Variants in ELMOD3 observed in about 807,000 individuals in gnomAD.
The protein encoded by ELMOD3 is ELMO domain-containing protein 3.
A neutral mutation model predicts 47.4 loss-of-function variants in ELMOD3; 36 were observed. That is an observed-to-expected ratio of 0.76 (90% confidence interval 0.58 to 1.00). The LOEUF (loss-of-function observed/expected upper bound fraction) is 1.00. Ranked by LOEUF, ELMOD3 falls within the 50% of genes least tolerant of loss-of-function variation. The pLI is 0.00. For missense variants in ELMOD3, 404 were observed against 463.8 expected (o/e 0.87, Z 1.18); for synonymous variants, 149 against 183.5 (o/e 0.81, Z 1.52).
At chr2:85,365,218 A>G (rs72840078) in intron 6 of ELMOD3, among the ~76,000 whole-genome samples, 12,465 of 151,402 alleles carry the variant, frequency 0.082, 625 homozygotes, top group South Asian at 0.2. Flanking sequence ...GCGGATCACA[A>G]GGTCAGGAGT....
rs768595869 is a variant in ELMOD3 at position 85,369,796 on chromosome 2, A to G, written c.326A>G (p.Gln109Arg). 6.2e-7 allele frequency: 1 copy of G among 1,614,158 alleles called. No homozygotes were observed. Among genetic ancestry groups the G allele is most frequent in the South Asian group, 1.1e-5 (1 of 91,088 alleles). The change falls in exon 8 of 14, where the codon CAG (glutamine) becomes CGG (arginine). Residue 109 changes from glutamine (Q) to arginine (R), a missense_variant. By Grantham distance (43) the Gln-to-Arg change is conservative. Transcript: ENST00000409013. ...GQLISFSEAL[Q>R]HFQTVDLSPF... Reference sequence around the variant, plus strand: ...CTAATCTCCTTCAGTGAGGCCCTGCAGCACTTCCAGACTGTGGACCTTTCC... The same window carrying G: ...CTAATCTCCTTCAGTGAGGCCCTGCGGCACTTCCAGACTGTGGACCTTTCC...
chr2:85,390,552 G>A, intron 13 of ELMOD3: 1 of 1,567,870 alleles, frequency 6.4e-7, no homozygotes, highest in Non-Finnish European at 8.6e-7. Context: ...TTGCAATTGT[G>A]CAGACAAGGT....
chr2:85,366,424 G>A (rs1684391780), intron 6 of ELMOD3, among the ~76,000 whole-genome samples: 1 of 152,174 alleles, frequency 6.6e-6, no homozygotes, highest in Non-Finnish European at 1.5e-5. Context: ...GACTGGAGCA[G>A]GTGAGATGGA....
intron 12 of ELMOD3, 82 bp downstream of exon 12, chr2:85,389,909 T>C: frequency 7.5e-7 from 1 of 1,331,076 alleles, no homozygotes; most frequent in Non-Finnish European, 1.1e-6. Flanking sequence ...TCCCCAGCTC[T>C]ACTCCACCTG....
At chr2:85,373,840 GAAAA>G (rs34188613) in intron 10 of ELMOD3, among the ~76,000 whole-genome samples, 1 of 115,674 alleles carries the variant, frequency 8.6e-6, no homozygotes, top group Non-Finnish European at 1.8e-5. Flanking sequence ...CTTCGTCTCA[GAAAA>G]AAAAAAAAAA....
chr2:85,378,107 T>C (rs1466342854), intron 11 of ELMOD3, among the ~76,000 whole-genome samples: 3 of 152,212 alleles, frequency 2.0e-5, no homozygotes, highest in Non-Finnish European at 4.4e-5. Context: ...AGGGCAAATA[T>C]TTAGGCTAAA....
chr2:85,386,597 C>CTAGT lies in ELMOD3; in HGVS notation c.739-3153_739-3150dup, dbSNP rs567593198. On this transcript the variant is annotated intron_variant, in intron 11 of 13. Transcript: ENST00000409013. ...ACAGCGTTTCACCATGTTGGTCAGG[C>CTAGT]TAGTCTTGAACTCCTGACCTCAAGT... 7.8e-4 allele frequency among the ~76,000 whole-genome samples: 119 copies of CTAGT among 152,192 alleles called. 3 individuals are homozygous for CTAGT. The South Asian group carries it at 0.024, about 31-fold the overall frequency.
intron 4 of ELMOD3, among the ~76,000 whole-genome samples, chr2:85,359,584 CA>C (rs778387935): frequency 1.3e-5 from 2 of 150,930 alleles, no homozygotes; most frequent in African/African-American, 4.9e-5. Context: ...GCTAAAAATA[CA>C]AAAAAAATAC....
intron 12 of ELMOD3, 96 bp from the exon 13 acceptor site, chr2:85,390,042 T>G (rs1686211567): frequency 1.5e-6 from 2 of 1,329,686 alleles, no homozygotes; most frequent in Non-Finnish European, 2.2e-6. Context: ...GGGTTTGGGC[T>G]GGCTCCCCTG....
chr2:85,374,036 T>C (rs779819803), intron 10 of ELMOD3, among the ~76,000 whole-genome samples: 1 of 151,680 alleles, frequency 6.6e-6, no homozygotes, highest in African/African-American at 2.4e-5. Context: ...CAATTTCCCC[T>C]TCACTTCTGA....
chr2:85,389,855 AGTGACCCAGCAAAGCCTT>A, intron 12 of ELMOD3, 28 bp downstream of exon 12: 1 of 1,592,722 alleles, frequency 6.3e-7, no homozygotes, highest in Non-Finnish European at 8.6e-7. Context: ...AGCTGGTTAG[AGTGACCCAGCAAAGCCTT>A]GTTCGTCCCC....
intron 11 of ELMOD3, among the ~76,000 whole-genome samples, chr2:85,379,986 T>C (rs1373081699): frequency 1.3e-5 from 2 of 152,206 alleles, no homozygotes; most frequent in Non-Finnish European, 2.9e-5. Context: ...TCAGGGACTG[T>C]GTACACAAAA....
At chr2:85,370,965 G>A (rs578222638) in intron 8 of ELMOD3, 121 bp from the exon 9 acceptor site, 5 of 1,211,908 alleles carry the variant, frequency 4.1e-6, no homozygotes, top group African/African-American at 3.0e-5. Context: ...TGGCCCAAAG[G>A]CCAGCCAGAT....
At chr2:85,360,263 T>C (rs1384737710) in intron 4 of ELMOD3, among the ~76,000 whole-genome samples, 4 of 90,920 alleles carry the variant, frequency 4.4e-5, no homozygotes, top group Non-Finnish European at 8.5e-5. Context: ...CAAAACTCCA[T>C]CTCAAAAAAA....
chr2:85,377,320 G>C lies in ELMOD3; in HGVS notation c.608-24G>C, dbSNP rs765347468. On this transcript the variant is annotated intron_variant, in intron 10 of 13. Transcript: ENST00000409013. The stretch of plus-strand genomic sequence containing the variant: ...GAAGCATTGCTCGCTGCCACACCCT[G>C]TTTCCTCACGGTCTCTGTTACAGGA... 5 of 1,565,380 alleles carry C rather than the reference G, an allele frequency of 3.2e-6. No homozygotes were observed. The Admixed American group carries it at 9.4e-5, about 29-fold the overall frequency.
At position 85,360,196 on chromosome 2, in the gene ELMOD3, G is replaced by T. The variant is rs1025459097; in HGVS notation, c.55-1990G>T. ...CAGGAGAATCACTTGAACCTGGGAG[G>T]CATAGGTTGAGGTGAGCCGAGATTG... On this transcript the variant is annotated intron_variant, in intron 4 of 13. Coordinates refer to ENST00000409013, the MANE Select transcript of ELMOD3 (RefSeq NM_001135022.2). Among the ~76,000 whole-genome samples, 3 of 146,194 alleles carry T rather than the reference G, an allele frequency of 2.1e-5. No individual in the cohort carries two copies. In the East Asian group the frequency reaches 6.1e-4, roughly 30 times the overall value.
intron 11 of ELMOD3, among the ~76,000 whole-genome samples, chr2:85,381,515 C>T (rs977243874): frequency 6.6e-6 from 1 of 152,114 alleles, no homozygotes; most frequent in African/African-American, 2.4e-5. Flanking sequence ...CCTTTTATAA[C>T]CTTTATAACC....
intron 13 of ELMOD3, 57 bp downstream of exon 13, chr2:85,390,322 G>A (rs1686253121): frequency 1.2e-6 from 2 of 1,614,012 alleles, no homozygotes; most frequent in African/African-American, 2.7e-5. Flanking sequence ...CAGGTCCAGA[G>A]AGCCCAAGGT....
chr2:85,379,614 G>A (rs923243733), intron 11 of ELMOD3, among the ~76,000 whole-genome samples: 1 of 152,154 alleles, frequency 6.6e-6, no homozygotes, highest in African/African-American at 2.4e-5. Flanking sequence ...CTAATGACAG[G>A]TGTACTATAG....
Sources: allele counts gnomAD v4.1 joint callset (sites outside exome capture counted in the v4.1 genomes callset), GRCh38; gene constraint gnomAD v4.1.1; transcripts MANE v1.5; gene names NCBI Gene and HGNC (gene_info 2026-07-23, HGNC 2026-07-21).